The following B3GAT2 variants were observed in gnomAD, a reference collection of about 807,000 sequenced individuals.
B3GAT2 encodes beta-1,3-glucuronyltransferase 2.
B3GAT2 carries 26 observed loss-of-function variants against 27.8 expected under a neutral mutation model. The ratio of observed to expected loss-of-function variants is 0.93; its 90% CI spans 0.68 to 1.30. B3GAT2 has a LOEUF of 1.30. Among genes scored for constraint, B3GAT2 ranks in the 50% most tolerant of loss-of-function variants. The probability of loss-of-function intolerance (pLI) is 0.00; values close to 1 mark genes in which losing one functional copy is unlikely to be tolerated. For synonymous variants in B3GAT2, 218 were observed against 195.1 expected, an observed-to-expected ratio of 1.12 and a Z score of -0.98; for missense variants, 458 against 459.0, an observed-to-expected ratio of 1.00 and a Z score of 0.02.
At chr6:70,867,756 A>C (rs1483972624) in intron 2 of B3GAT2, among the ~76,000 whole-genome samples, 1 of 152,174 alleles carries the variant, frequency 6.6e-6, no homozygotes, top group African/African-American at 2.4e-5. Flanking sequence ...AAATGACAGC[A>C]ATTCTACATG....
intron 2 of B3GAT2, among the ~76,000 whole-genome samples, chr6:70,885,617 C>A (rs936255206): frequency 1.3e-5 from 2 of 152,126 alleles, no homozygotes; most frequent in Non-Finnish European, 2.9e-5. Flanking sequence ...GAGCCCACAG[C>A]GGAGTTCAAA....
At chr6:70,919,869 G>A (rs1772837907) in intron 1 of B3GAT2, among the ~76,000 whole-genome samples, 1 of 152,206 alleles carries the variant, frequency 6.6e-6, no homozygotes. Flanking sequence ...ACCCACTTGA[G>A]GAGGTAGTCT....
intron 1 of B3GAT2, among the ~76,000 whole-genome samples, chr6:70,946,228 A>T (rs1673336189): frequency 6.6e-6 from 1 of 152,082 alleles, no homozygotes; most frequent in Admixed American, 6.5e-5. Flanking sequence ...AACAATATTA[A>T]CTTTAAATGT....
At chr6:70,920,426 C>T (rs1772848547) in intron 1 of B3GAT2, among the ~76,000 whole-genome samples, 1 of 152,206 alleles carries the variant, frequency 6.6e-6, no homozygotes, top group Admixed American at 6.5e-5. Context: ...CCATGGGCTG[C>T]ACCCACTGTC....
At chr6:70,887,136 C>T (rs2150028703) in intron 2 of B3GAT2, among the ~76,000 whole-genome samples, 1 of 152,346 alleles carries the variant, frequency 6.6e-6, no homozygotes, top group South Asian at 2.1e-4. Flanking sequence ...ACAATTCCCT[C>T]CATTTTCTTG....
At chr6:70,954,930 C>A (rs895607099) in intron 1 of B3GAT2, among the ~76,000 whole-genome samples, 1 of 145,224 alleles carries the variant, frequency 6.9e-6, no homozygotes, top group Non-Finnish European at 1.5e-5. Context: ...GGGGGCGGTG[C>A]GCGCGTGGCC....
At chr6:70,898,993 A>G (rs1772443159) in intron 1 of B3GAT2, among the ~76,000 whole-genome samples, 1 of 149,248 alleles carries the variant, frequency 6.7e-6, no homozygotes, top group South Asian at 2.1e-4. Flanking sequence ...TAAATAAATA[A>G]ATAGGAATGA....
chr6:70,949,754 T>C lies in B3GAT2; in HGVS notation c.591+6085A>G, dbSNP rs1342321053. On this transcript the variant is annotated intron_variant, in intron 1 of 3. Transcript: ENST00000230053. ...ATGCTGCTATAAAGACACATGCACA[T>C]GTATGTTTATTGCGGCACTATTCAC... 3.3e-5 allele frequency among the ~76,000 whole-genome samples: 5 copies of C among 151,618 alleles called. No homozygotes were observed. In the South Asian group the frequency reaches 6.3e-4, roughly 19 times the overall value.
At chr6:70,892,596 G>A (rs914282418) in intron 2 of B3GAT2, among the ~76,000 whole-genome samples, 2 of 152,194 alleles carry the variant, frequency 1.3e-5, no homozygotes, top group Admixed American at 1.3e-4. Flanking sequence ...GCTCTTACTT[G>A]AGAGTTCCAA....
chr6:70,871,213 TTTTTTTTTG>T (rs1277464625), intron 2 of B3GAT2, among the ~76,000 whole-genome samples: 11 of 106,782 alleles, frequency 1.0e-4, no homozygotes, highest in Non-Finnish European at 2.1e-4. Flanking sequence ...TGTCTGTTTT[TTTTTTTTTG>T]TTTTTTTTTT....
Position 70,860,026 on chromosome 6 carries a change from GA to G in B3GAT2, c.*1636del. On this transcript the variant is annotated 3_prime_UTR_variant, in exon 4 of 4. Coordinates refer to ENST00000230053, the MANE Select transcript of B3GAT2 (RefSeq NM_080742.3). The stretch of plus-strand genomic sequence containing the variant: ...AAACTGTATCTAGAAAGTAGATAAA[GA>G]AGGGAACAAAGTAGCTATTTGCTTT... 1.7e-6 allele frequency: 1 copy of G among 602,484 alleles called. No individual in the cohort carries two copies. The highest frequency in any genetic ancestry group is 3.3e-5 in the East Asian group (1 of 30,474). 37.3% of individuals were successfully genotyped at this position (602,484 alleles called of 1,614,324 possible). A position where few individuals can be genotyped will look rare whatever the true frequency, so the allele number is the denominator to read the frequency against.
intron 1 of B3GAT2, among the ~76,000 whole-genome samples, chr6:70,950,372 G>C (rs534603772): frequency 1.3e-5 from 2 of 151,906 alleles, no homozygotes; most frequent in African/African-American, 4.8e-5. Context: ...AGAAAGCTAA[G>C]AGTTGACATA....
chr6:70,919,836 A>G (rs558658285), intron 1 of B3GAT2, among the ~76,000 whole-genome samples: 12 of 152,282 alleles, frequency 7.9e-5, no homozygotes, highest in South Asian at 4.1e-4. Context: ...GTATCCCCCA[A>G]TCAGGCTACA....
At chr6:70,866,153 A>G (rs544960385) in intron 2 of B3GAT2, among the ~76,000 whole-genome samples, 9 of 152,314 alleles carry the variant, frequency 5.9e-5, no homozygotes, top group Middle Eastern at 3.4e-3. Context: ...AGGTGAATCA[A>G]TTACTGGAGG....
In B3GAT2 at chr6:70,860,103, G is replaced by A; in HGVS notation, c.*1560C>T. The A allele has an allele frequency of 7.2e-7, 1 of 1,383,084 alleles. No individual in the cohort carries two copies. The highest frequency in any genetic ancestry group is 9.7e-7 in the Non-Finnish European group (1 of 1,029,554). The allele number at this position is 1,383,084 out of a possible 1,614,324, so 85.7% of individuals were successfully genotyped here. A position where few individuals can be genotyped will look rare whatever the true frequency, so the allele number is the denominator to read the frequency against. On this transcript the variant is annotated 3_prime_UTR_variant, in exon 4 of 4. Transcript: ENST00000230053. The stretch of plus-strand genomic sequence containing the variant: ...TTTTATTCCAGTGCTTGGACTAGTT[G>A]TCACATTAATGAAAAAATGACCAAC...
chr6:70,950,837 G>A (rs926523694), intron 1 of B3GAT2, among the ~76,000 whole-genome samples: 1 of 152,154 alleles, frequency 6.6e-6, no homozygotes, highest in Non-Finnish European at 1.5e-5. Context: ...GTACTTCTTT[G>A]CCTATAGTAA....
intron 1 of B3GAT2, among the ~76,000 whole-genome samples, chr6:70,899,597 C>G (rs145788188): frequency 7.9e-5 from 12 of 152,306 alleles, no homozygotes; most frequent in African/African-American, 2.9e-4. Flanking sequence ...TCAAACAGAT[C>G]CAGATGCCCT....
chr6:70,928,184 A>T (rs1441014867), intron 1 of B3GAT2, among the ~76,000 whole-genome samples: 1 of 152,186 alleles, frequency 6.6e-6, no homozygotes, highest in East Asian at 1.9e-4. Context: ...CATTCAAAGC[A>T]GTGTGTAGAG....
intron 1 of B3GAT2, among the ~76,000 whole-genome samples, chr6:70,931,343 G>GA (rs1276468025): frequency 1.3e-5 from 2 of 150,616 alleles, no homozygotes; most frequent in South Asian, 2.1e-4. Flanking sequence ...AATAAAAAAA[G>GA]AAAAAAAAAG....
Sources: allele counts gnomAD v4.1 joint callset (sites outside exome capture counted in the v4.1 genomes callset), GRCh38; gene constraint gnomAD v4.1.1; transcripts MANE v1.5; gene names NCBI Gene and HGNC (gene_info 2026-07-23, HGNC 2026-07-21).